GABRB3: variants seen among roughly 807,000 people sequenced by gnomAD.
The protein encoded by GABRB3 is gamma-aminobutyric acid type A receptor subunit beta3, also known as gamma-aminobutyric acid receptor subunit beta-3.
GABRB3 carries 14 observed loss-of-function variants against 52.1 expected under a neutral mutation model. That is an observed-to-expected ratio of 0.27 (90% confidence interval 0.18 to 0.42). The LOEUF (loss-of-function observed/expected upper bound fraction) is 0.42. GABRB3 is among the 10% of genes least tolerant of loss of function. The pLI is 1.00. For synonymous variants in GABRB3, 260 were observed against 232.3 expected (o/e 1.12, Z -1.08); for missense variants, 307 against 609.1 (o/e 0.50, Z 5.22).
At position 26,650,227 on chromosome 15, in the gene GABRB3, G is replaced by A. The variant is rs544990131; in HGVS notation, c.241-28693C>T. Among the ~76,000 whole-genome samples the A allele has an allele frequency of 1.0e-3, 154 of 152,306 alleles. 1 individual carries two copies. The highest frequency in any genetic ancestry group is 3.6e-3 in the African/African-American group (150 of 41,572). ...ATTGTTATCACACCAATTCTCAGGT[G>A]AGAAAGATGAGTATTGGGTTAATGA... On this transcript the variant is annotated intron_variant, in intron 3 of 8. Transcript: ENST00000311550.
intron 4 of GABRB3, among the ~76,000 whole-genome samples, chr15:26,606,805 T>TATAGATAGATAGATATATTGATAGATAG (rs1555370517): frequency 8.5e-6 from 1 of 117,950 alleles, no homozygotes; most frequent in African/African-American, 2.8e-5. Context: ...TAGATATATC[T>TATAGATAGATAGATATATTGATAGATAG]ATAGATAGAT....
chr15:26,587,060 T>C (rs913408191), intron 4 of GABRB3, among the ~76,000 whole-genome samples: 2 of 152,150 alleles, frequency 1.3e-5, no homozygotes, highest in African/African-American at 4.8e-5. Flanking sequence ...CACAAAAAAA[T>C]GTTAATAATT....
chr15:26,554,043 A>ATATATATATATATATATATATATATATT (rs1487375439), intron 8 of GABRB3, among the ~76,000 whole-genome samples: 18 of 108,130 alleles, frequency 1.7e-4, no homozygotes, highest in African/African-American at 6.7e-4. Context: ...ATATTTATTT[A>ATATATATATATATATATATATATATATT]TTTATATTTA....
chr15:26,703,293 G>T (rs1395742610), intron 3 of GABRB3, among the ~76,000 whole-genome samples: 2 of 152,154 alleles, frequency 1.3e-5, no homozygotes, highest in Admixed American at 1.3e-4. Context: ...CACAGTGGAA[G>T]GCAGAAAGGC....
At chr15:26,554,003 T>C (rs1889586226) in intron 8 of GABRB3, among the ~76,000 whole-genome samples, 1 of 66,390 alleles carries the variant, frequency 1.5e-5, no homozygotes, top group South Asian at 4.7e-4. Context: ...GCCTCCCGAG[T>C]AGCTGACACC....
At chr15:26,744,507 C>A (rs749294782) in intron 3 of GABRB3, among the ~76,000 whole-genome samples, 13 of 152,036 alleles carry the variant, frequency 8.6e-5, no homozygotes, top group Non-Finnish European at 1.6e-4. Context: ...CTCACTGCAA[C>A]CTCTGCCTCC....
intron 3 of GABRB3, among the ~76,000 whole-genome samples, chr15:26,671,922 G>T (rs12442702): frequency 0.26 from 39,758 of 151,828 alleles, 5,950 homozygotes; most frequent in Middle Eastern, 0.44. Context: ...CAGGGAAAAA[G>T]TTACTTGTCA....
intron 3 of GABRB3, among the ~76,000 whole-genome samples, chr15:26,703,958 G>A (rs544220885): frequency 6.6e-6 from 1 of 152,264 alleles, no homozygotes; most frequent in East Asian, 1.9e-4. Flanking sequence ...GTTGCATATT[G>A]ATGGCTCTAC....
chr15:26,735,662 A>T (rs914620027), intron 3 of GABRB3, among the ~76,000 whole-genome samples: 2 of 152,208 alleles, frequency 1.3e-5, no homozygotes, highest in African/African-American at 2.4e-5. Flanking sequence ...GAAAGAAGCC[A>T]GTCATGCTAG....
chr15:26,559,353 C>T (rs975749003), intron 8 of GABRB3, among the ~76,000 whole-genome samples: 2 of 152,178 alleles, frequency 1.3e-5, no homozygotes, highest in African/African-American at 4.8e-5. Context: ...CCTGAAACCA[C>T]CTCAAAAGCC....
At chr15:26,636,842 T>C (rs1048755186) in intron 3 of GABRB3, among the ~76,000 whole-genome samples, 3 of 152,202 alleles carry the variant, frequency 2.0e-5, no homozygotes, top group African/African-American at 7.2e-5. Flanking sequence ...TGAAATTCTA[T>C]TGACCCCATG....
At chr15:26,709,483 A>G (rs925907797) in intron 3 of GABRB3, among the ~76,000 whole-genome samples, 4 of 148,094 alleles carry the variant, frequency 2.7e-5, no homozygotes, top group East Asian at 4.0e-4. Context: ...CAGAACCATG[A>G]GCCACGTAAA....
intron 3 of GABRB3, among the ~76,000 whole-genome samples, chr15:26,740,558 T>C (rs1890176268): frequency 6.6e-6 from 1 of 151,958 alleles, no homozygotes; most frequent in Non-Finnish European, 1.5e-5. Flanking sequence ...GTCTGTCTTC[T>C]CTCCTCCTCC....
intron 3 of GABRB3, among the ~76,000 whole-genome samples, chr15:26,701,100 G>A (rs755897373): frequency 6.6e-6 from 1 of 151,998 alleles, no homozygotes; most frequent in Admixed American, 6.6e-5. Flanking sequence ...AAGAGAAGAG[G>A]ACTTTCTCAA....
chr15:26,724,458 T>G (rs934628331), intron 3 of GABRB3, among the ~76,000 whole-genome samples: 1 of 152,160 alleles, frequency 6.6e-6, no homozygotes, highest in African/African-American at 2.4e-5. Flanking sequence ...AACCAGCCCT[T>G]TTGAAAGACT....
intron 3 of GABRB3, among the ~76,000 whole-genome samples, chr15:26,696,022 T>C (rs188311796): frequency 2.6e-5 from 4 of 152,286 alleles, no homozygotes; most frequent in Admixed American, 2.6e-4. Context: ...CATGAAACAA[T>C]ACGAAGCAAA....
chr15:26,688,767 A>G (rs527640349), intron 3 of GABRB3, among the ~76,000 whole-genome samples: 1 of 152,308 alleles, frequency 6.6e-6, no homozygotes, highest in East Asian at 1.9e-4. Context: ...AAAGCTAGCC[A>G]CTGACAGCTG....
intron 3 of GABRB3, among the ~76,000 whole-genome samples, chr15:26,630,505 A>G (rs1311413763): frequency 6.6e-6 from 1 of 152,234 alleles, no homozygotes; most frequent in Non-Finnish European, 1.5e-5. Context: ...GATGTCTTGA[A>G]TCAATACCTT....
chr15:26,620,157 G>A lies in GABRB3; in HGVS notation c.461+1157C>T, dbSNP rs1892426686. Among the ~76,000 whole-genome samples, 3 of 152,228 alleles carry A rather than the reference G, an allele frequency of 2.0e-5. No homozygotes were observed. In the South Asian group the frequency reaches 6.2e-4, roughly 32 times the overall value. On this transcript the variant is annotated intron_variant, in intron 4 of 8. Transcript: ENST00000311550. ...TCATTTTCAGGCAAAAACATAAAATGCTGAAAACTTCCCAAAGAAACTCCA... is the reference window on the plus strand; with the variant it reads ...TCATTTTCAGGCAAAAACATAAAATACTGAAAACTTCCCAAAGAAACTCCA...
Sources: allele counts gnomAD v4.1 joint callset (sites outside exome capture counted in the v4.1 genomes callset), GRCh38; gene constraint gnomAD v4.1.1; transcripts MANE v1.5; gene names NCBI Gene and HGNC (gene_info 2026-07-23, HGNC 2026-07-21).